CHST8: variants seen among roughly 807,000 people sequenced by gnomAD.
CHST8 encodes carbohydrate sulfotransferase 8.
A neutral mutation model predicts 15.0 loss-of-function variants in CHST8; 10 were observed. The observed-to-expected ratio is 0.67, with a 90% CI of 0.41 to 1.13. CHST8 has a LOEUF of 1.13. Among genes scored for constraint, CHST8 ranks in the 50% most tolerant of loss-of-function variants. CHST8 has a pLI of 0.00. For missense variants in CHST8, 634 were observed against 608.2 expected (o/e 1.04, Z -0.45); for synonymous variants, 259 against 256.6 (o/e 1.01, Z -0.09).
chr19:33,703,603 C>T (rs1165992697), intron 3 of CHST8, among the ~76,000 whole-genome samples: 1 of 152,224 alleles, frequency 6.6e-6, no homozygotes, highest in Non-Finnish European at 1.5e-5. Flanking sequence ...CAACTGCCTG[C>T]CGGTGGGGTT....
intron 2 of CHST8, among the ~76,000 whole-genome samples, chr19:33,681,034 AT>A (rs1263605174): frequency 6.6e-6 from 1 of 152,240 alleles, no homozygotes; most frequent in Non-Finnish European, 1.5e-5. Context: ...GGATATTGAC[AT>A]TGATACGGTC....
intron 3 of CHST8, among the ~76,000 whole-genome samples, chr19:33,751,517 G>A (rs1165284608): frequency 1.3e-5 from 2 of 152,252 alleles, no homozygotes; most frequent in African/African-American, 2.4e-5. Context: ...AGTGTGGGCA[G>A]CCCAAGGCCA....
At chr19:33,731,787 G>A (rs1366051617) in intron 3 of CHST8, among the ~76,000 whole-genome samples, 4 of 152,198 alleles carry the variant, frequency 2.6e-5, no homozygotes, top group Admixed American at 6.5e-5. Context: ...CAGAGCCTGT[G>A]CCCAAGGCTG....
intron 3 of CHST8, among the ~76,000 whole-genome samples, chr19:33,757,400 AAG>A (rs775136718): frequency 2.0e-4 from 1 of 4,906 alleles, no homozygotes; most frequent in East Asian, 7.7e-3. Context: ...GAAAGAAAGA[AAG>A]AAAGAAAGAA....
At chr19:33,710,388 T>C (rs999779076) in intron 3 of CHST8, among the ~76,000 whole-genome samples, 2 of 152,228 alleles carry the variant, frequency 1.3e-5, no homozygotes, top group Admixed American at 6.5e-5. Context: ...TCCTCTCTTT[T>C]GTTTGCTTTA....
At chr19:33,755,135 G>A (rs1484596891) in intron 3 of CHST8, among the ~76,000 whole-genome samples, 3 of 151,942 alleles carry the variant, frequency 2.0e-5, no homozygotes, top group Non-Finnish European at 4.4e-5. Flanking sequence ...GTGGACTTCC[G>A]GATTTCCAAA....
chr19:33,672,540 T>C (rs1301079616), intron 2 of CHST8, among the ~76,000 whole-genome samples: 1 of 152,184 alleles, frequency 6.6e-6, no homozygotes, highest in African/African-American at 2.4e-5. Flanking sequence ...CCATCTCATG[T>C]CAGCGACGGA....
intron 3 of CHST8, 63 bp downstream of exon 3, chr19:33,689,454 T>C: frequency 6.8e-7 from 1 of 1,472,176 alleles, no homozygotes; most frequent in South Asian, 1.4e-5. Context: ...AGCTCAGGCC[T>C]CCACAGCTGC....
intron 3 of CHST8, among the ~76,000 whole-genome samples, chr19:33,765,686 C>T (rs1409862973): frequency 2.0e-5 from 3 of 152,042 alleles, no homozygotes; most frequent in South Asian, 2.1e-4. Context: ...CTCAGCCTTT[C>T]GAGTAGCTGG....
intron 3 of CHST8, among the ~76,000 whole-genome samples, chr19:33,732,759 C>G (rs926034139): frequency 2.6e-5 from 4 of 152,040 alleles, no homozygotes; most frequent in Non-Finnish European, 4.4e-5. Flanking sequence ...ACGCCAGACC[C>G]TCGGAAAGGC....
intron 3 of CHST8, among the ~76,000 whole-genome samples, chr19:33,699,349 T>C (rs531195685): frequency 6.6e-6 from 1 of 152,208 alleles, no homozygotes; most frequent in African/African-American, 2.4e-5. Context: ...GTTCCCAATC[T>C]GGGGGCAGTG....
chr19:33,770,177 C>T (rs933325932), intron 3 of CHST8, among the ~76,000 whole-genome samples: 1 of 152,194 alleles, frequency 6.6e-6, no homozygotes, highest in Non-Finnish European at 1.5e-5. Flanking sequence ...CTGGAGATCC[C>T]TTCACCAGCT....
At position 33,772,156 on chromosome 19, in the gene CHST8, C is replaced by T. The variant is rs769745254; in HGVS notation, c.368C>T (p.Ala123Val). Residue 123 changes from alanine to valine, a missense_variant, in exon 5 of 5, where the codon GCG becomes GTG. Transcript: ENST00000650847. ...CTCATCAAGAAAATGCCAGCTGCGGCGACCATCCCGGCCAACAGCTCGGAC... is the reference window on the plus strand; with the variant it reads ...CTCATCAAGAAAATGCCAGCTGCGGTGACCATCCCGGCCAACAGCTCGGAC... ...RLLIKKMPAA[A>V]TIPANSSDAP... is the part of the protein sequence containing the mutation. The T allele has an allele frequency of 4.4e-6, 7 of 1,602,416 alleles. No individual in the cohort carries two copies. The highest frequency in any genetic ancestry group is 2.2e-5 in the East Asian group (1 of 44,490).
chr19:33,741,035 G>C lies in CHST8; in HGVS notation c.131-30378G>C, dbSNP rs74624705. Among the ~76,000 whole-genome samples the C allele has an allele frequency of 5.3e-5, 8 of 152,320 alleles. No individual in the cohort carries two copies. The East Asian group carries it at 1.5e-3, about 29-fold the overall frequency. ...AACAGCACTCCCTCTCCTTCCAGTT[G>C]CCTGAGCTGCTGCGGCAGGGTCAGA... On this transcript the variant is annotated intron_variant, in intron 3 of 4. Coordinates refer to ENST00000650847, the MANE Select transcript of CHST8 (RefSeq NM_001127895.2).
intron 1 of CHST8, among the ~76,000 whole-genome samples, chr19:33,644,723 G>A (rs758006501): frequency 5.3e-4 from 80 of 152,142 alleles, no homozygotes; most frequent in Middle Eastern, 6.8e-3. Context: ...CCTGGGCAAC[G>A]GAGCAAGACC....
intron 1 of CHST8, among the ~76,000 whole-genome samples, chr19:33,657,171 T>A (rs1354524945): frequency 7.3e-6 from 1 of 136,632 alleles, no homozygotes; most frequent in East Asian, 2.1e-4. Flanking sequence ...ACACATATAC[T>A]TATACACACA....
Position 33,773,077 on chromosome 19 carries a change from T to A in CHST8, c.*14T>A. On this transcript the variant is annotated 3_prime_UTR_variant, in exon 5 of 5. Coordinates refer to ENST00000650847, the MANE Select transcript of CHST8 (RefSeq NM_001127895.2). ...GATCTGTACTGAGGGGCGCCGCAGC[T>A]GGCCGGGGCCGCCCTGCCCCGGTCA... The A allele has an allele frequency of 6.3e-7, 1 of 1,576,084 alleles. No homozygotes were observed. Among genetic ancestry groups the A allele is most frequent in the South Asian group, 1.1e-5 (1 of 87,694 alleles).
intron 1 of CHST8, among the ~76,000 whole-genome samples, chr19:33,650,812 G>A (rs946018476): frequency 4.0e-5 from 6 of 151,030 alleles, no homozygotes; most frequent in African/African-American, 7.3e-5. Context: ...GGGTTCAAGC[G>A]ATTCTCCTGC....
chr19:33,645,060 A>G lies in CHST8; in HGVS notation c.-163-22707A>G, dbSNP rs1380012496. On this transcript the variant is annotated intron_variant, in intron 1 of 4. Coordinates refer to ENST00000650847, the MANE Select transcript of CHST8 (RefSeq NM_001127895.2). The stretch of plus-strand genomic sequence containing the variant: ...GCCCAGGGACACTGCTAAACACTCT[A>G]CAGTCTATAGGACAGCCCCCATGAC... Among the ~76,000 whole-genome samples, 6 of 152,290 alleles carry G rather than the reference A, an allele frequency of 3.9e-5. 1 individual carries two copies. In the South Asian group the frequency reaches 1.0e-3, roughly 26 times the overall value.
Sources: gnomAD v4.1 joint callset for allele counts (sites outside exome capture counted in the v4.1 genomes callset) on GRCh38, gnomAD v4.1.1 for gene constraint, MANE v1.5 for transcripts, NCBI Gene and HGNC (gene_info 2026-07-23, HGNC 2026-07-21) for gene names.